USP34: variants seen among roughly 807,000 people sequenced by gnomAD.
USP34 encodes ubiquitin specific peptidase 34.
Under a neutral mutation model 460.3 loss-of-function variants are expected in USP34, and 70 were observed. The ratio of observed to expected loss-of-function variants is 0.15; its 90% CI spans 0.13 to 0.19. The LOEUF is 0.19. Ranked by LOEUF, USP34 falls within the 10% of genes least tolerant of loss-of-function variation. USP34 has a pLI of 1.00. For synonymous variants in USP34, 1,647 were observed against 1,405.3 expected (o/e 1.17, Z -3.85); for missense variants, 3,985 against 4,236.2 (o/e 0.94, Z 1.65).
intron 20 of USP34, 43 bp downstream of exon 20, chr2:61,331,233 G>C (rs1298110424): frequency 6.7e-7 from 1 of 1,489,730 alleles, no homozygotes; most frequent in Non-Finnish European, 9.2e-7. Context: ...TCAAAGGAAA[G>C]ACATCGACAC....
chr2:61,248,791 G>A, intron 48 of USP34, 108 bp from the exon 49 acceptor site: 2 of 1,049,340 alleles, frequency 1.9e-6, no homozygotes. Flanking sequence ...GAGTTAAGAA[G>A]TATAGTAGTT....
rs1403537784 is a variant in USP34, at chr2:61,200,793, T to C, written c.9508+2347A>G. ...ACTCTGTGTGGTCATTAATGTGGAC[T>C]TTCTTTTCTCAAGCCCTTTCCTGGG... On this transcript the variant is annotated intron_variant, in intron 75 of 79. Coordinates refer to ENST00000398571, the MANE Select transcript of USP34 (RefSeq NM_014709.4). 3 of 152,334 alleles carry C rather than the reference T, an allele frequency of 2.0e-5. No individual in the cohort carries two copies. The East Asian group carries it at 5.6e-4, about 29-fold the overall frequency. 9.4% of individuals were successfully genotyped at this position (152,334 alleles called of 1,614,324 possible).
chr2:61,252,588 A>T lies in USP34; in HGVS notation c.6221+3796T>A, dbSNP rs190036570. Among the ~76,000 whole-genome samples the T allele has an allele frequency of 2.7e-4, 41 of 152,368 alleles. 1 individual carries two copies. The highest frequency in any genetic ancestry group is 2.0e-3 in the Admixed American group (30 of 15,302). ...GAGAATTTATTTAAACCAAGAACAC[A>T]GTCAAAAATACAAAAAGTATGAATT... On this transcript the variant is annotated intron_variant, in intron 48 of 79. Coordinates refer to ENST00000398571, the MANE Select transcript of USP34 (RefSeq NM_014709.4).
chr2:61,288,906 C>T, intron 33 of USP34, 29 bp from the exon 34 acceptor site: 1 of 1,602,992 alleles, frequency 6.2e-7, no homozygotes, highest in Non-Finnish European at 8.5e-7. Flanking sequence ...AGTCAATTCC[C>T]TATTTTCATT....
chr2:61,406,698 T>G, intron 2 of USP34, among the ~76,000 whole-genome samples: 1 of 112,484 alleles, frequency 8.9e-6, no homozygotes. Flanking sequence ...AATATATGTG[T>G]ATTTAAAAAA....
At chr2:61,412,472 T>C (rs1381431126) in intron 2 of USP34, among the ~76,000 whole-genome samples, 1 of 152,066 alleles carries the variant, frequency 6.6e-6, no homozygotes, top group Non-Finnish European at 1.5e-5. Flanking sequence ...ATCATATACC[T>C]TTTGTATATA....
intron 62 of USP34, 49 bp from the exon 63 acceptor site, chr2:61,223,345 T>C: frequency 1.3e-6 from 2 of 1,511,138 alleles, no homozygotes; most frequent in Non-Finnish European, 1.8e-6. Flanking sequence ...TCTGTATTAC[T>C]TTACAGCGAT....
At chr2:61,341,120 T>C (rs1189237292) in intron 16 of USP34, among the ~76,000 whole-genome samples, 1 of 152,210 alleles carries the variant, frequency 6.6e-6, no homozygotes, top group African/African-American at 2.4e-5. Context: ...TAGCTTCTTT[T>C]GCTCAGAATG....
intron 38 of USP34, 25 bp downstream of exon 38, chr2:61,281,065 G>A: frequency 6.2e-7 from 1 of 1,602,104 alleles, no homozygotes; most frequent in Non-Finnish European, 8.5e-7. Flanking sequence ...AATAGAAACT[G>A]CTTCTAAACA....
intron 62 of USP34, among the ~76,000 whole-genome samples, chr2:61,226,257 G>A (rs1687722913): frequency 1.3e-5 from 2 of 152,120 alleles, no homozygotes; most frequent in African/African-American, 4.8e-5. Context: ...TTGTTGCCTT[G>A]TTTGACCTTA....
chr2:61,204,424 A>T (rs765413188), intron 73 of USP34, 44 bp from the exon 74 acceptor site: 1 of 1,613,438 alleles, frequency 6.2e-7, no homozygotes, highest in Non-Finnish European at 8.5e-7. Context: ...GGAAAAAATA[A>T]ATCTCCATGC....
chr2:61,299,991 C>T (rs1690170467), intron 29 of USP34, among the ~76,000 whole-genome samples: 1 of 152,150 alleles, frequency 6.6e-6, no homozygotes, highest in African/African-American at 2.4e-5. Flanking sequence ...TCATTCCCTA[C>T]TCCTAAAACC....
intron 2 of USP34, among the ~76,000 whole-genome samples, chr2:61,418,814 A>T (rs527409694): frequency 6.6e-6 from 1 of 152,230 alleles, no homozygotes; most frequent in African/African-American, 2.4e-5. Flanking sequence ...AATTAAGAGT[A>T]TAACATTCCA....
At chr2:61,412,714 C>A (rs1023403352) in intron 2 of USP34, among the ~76,000 whole-genome samples, 5 of 151,742 alleles carry the variant, frequency 3.3e-5, no homozygotes, top group African/African-American at 1.2e-4. Flanking sequence ...CATCGCGAGA[C>A]CTCCTTTCTA....
rs1382664220 is a variant in USP34, at chr2:61,288,811, A to G, written c.4615T>C (p.Leu1539=). ...ICQFAVDPSD[L]DLAYHDVFAW... is the part of the protein sequence containing the mutation. ...AAGACATCATGATAAGCTAAATCCA[A>G]ATCGGATGGATCTACTGCAAACTGG... Residue 1539 remains leucine, a synonymous_variant, in exon 34 of 80, where the codon TTG becomes CTG. Transcript: ENST00000398571. 6.2e-7 allele frequency: 1 copy of G among 1,613,780 alleles called. No homozygotes were observed. Among genetic ancestry groups the G allele is most frequent in the African/African-American group, 1.3e-5 (1 of 74,896 alleles).
chr2:61,307,810 G>A (rs866049282), intron 27 of USP34, among the ~76,000 whole-genome samples: 2 of 151,362 alleles, frequency 1.3e-5, no homozygotes, highest in Non-Finnish European at 2.9e-5. Context: ...GACTTTGGAC[G>A]GCCAAGGGGG....
intron 10 of USP34, among the ~76,000 whole-genome samples, chr2:61,361,612 A>C (rs973581160): frequency 3.6e-4 from 48 of 134,822 alleles, no homozygotes; most frequent in African/African-American, 1.1e-3. Context: ...ATCCACATAC[A>C]GAATGAAACT....
chr2:61,461,459 A>C (rs1695599283), intron 1 of USP34, among the ~76,000 whole-genome samples: 1 of 152,166 alleles, frequency 6.6e-6, no homozygotes, highest in Admixed American at 6.6e-5. Flanking sequence ...CATACAATTC[A>C]TTAAATAACA....
At chr2:61,387,496 T>A (rs773735546) in intron 5 of USP34, among the ~76,000 whole-genome samples, 1 of 149,092 alleles carries the variant, frequency 6.7e-6, no homozygotes, top group Admixed American at 6.7e-5. Flanking sequence ...TGTGTGTGAG[T>A]GTATATATAT....
Sources: allele counts gnomAD v4.1 joint callset (sites outside exome capture counted in the v4.1 genomes callset), GRCh38; gene constraint gnomAD v4.1.1; transcripts MANE v1.5; gene names NCBI Gene and HGNC (gene_info 2026-07-23, HGNC 2026-07-21).